The following RABGAP1L variants were observed in gnomAD, a reference collection of about 807,000 sequenced individuals.
RABGAP1L encodes the protein RAB GTPase activating protein 1 like, also known as rab GTPase-activating protein 1-like.
Under a neutral mutation model 137.7 loss-of-function variants are expected in RABGAP1L, and 63 were observed. That is an observed-to-expected ratio of 0.46 (90% CI 0.37 to 0.56). The LOEUF is 0.56. RABGAP1L is among the 20% of genes least tolerant of loss of function. The pLI, the probability that RABGAP1L is intolerant of heterozygous loss-of-function variation, is 0.00. For synonymous variants in RABGAP1L, 431 were observed against 433.7 expected, an observed-to-expected ratio of 0.99 and a Z score of 0.08; for missense variants, 1,095 against 1,244.0, an observed-to-expected ratio of 0.88 and a Z score of 1.80.
chr1:174,819,975 A>T (rs1311574407), intron 19 of RABGAP1L, among the ~76,000 whole-genome samples: 1 of 152,160 alleles, frequency 6.6e-6, no homozygotes, highest in Non-Finnish European at 1.5e-5. Context: ...AGGATATTTC[A>T]TTTGAAGTTT....
At chr1:174,909,133 C>T (rs1016917589) in intron 19 of RABGAP1L, among the ~76,000 whole-genome samples, 25 of 148,674 alleles carry the variant, frequency 1.7e-4, no homozygotes, top group Non-Finnish European at 5.9e-5. Context: ...GAGCCAAGAT[C>T]GCGCCACTCT....
intron 11 of RABGAP1L, among the ~76,000 whole-genome samples, chr1:174,339,029 A>G (rs2148886381): frequency 6.6e-6 from 1 of 152,268 alleles, no homozygotes; most frequent in South Asian, 2.1e-4. Flanking sequence ...TGTGAAATGT[A>G]CTGTATGACT....
intron 13 of RABGAP1L, among the ~76,000 whole-genome samples, chr1:174,526,670 C>G (rs957304759): frequency 3.3e-5 from 5 of 151,964 alleles, no homozygotes; most frequent in Admixed American, 3.3e-4. Flanking sequence ...TTTGTGGTAT[C>G]AATTATAAAG....
chr1:174,456,361 T>A (rs1656039468), intron 13 of RABGAP1L, among the ~76,000 whole-genome samples: 1 of 152,112 alleles, frequency 6.6e-6, no homozygotes, highest in Admixed American at 6.5e-5. Flanking sequence ...ACCTTAATGA[T>A]GAAGACATCA....
At chr1:174,256,737 C>T (rs553781420) in intron 7 of RABGAP1L, among the ~76,000 whole-genome samples, 5 of 152,278 alleles carry the variant, frequency 3.3e-5, no homozygotes, top group Admixed American at 6.5e-5. Context: ...GCCAAGATCA[C>T]GCCATTGCAC....
intron 19 of RABGAP1L, among the ~76,000 whole-genome samples, chr1:174,826,660 A>T (rs1035453658): frequency 1.3e-5 from 2 of 152,210 alleles, no homozygotes; most frequent in African/African-American, 2.4e-5. Flanking sequence ...CTGCGTGTAT[A>T]CCCAGTAATG....
intron 13 of RABGAP1L, among the ~76,000 whole-genome samples, chr1:174,451,750 C>T (rs1655478344): frequency 6.6e-6 from 1 of 151,896 alleles, no homozygotes; most frequent in Non-Finnish European, 1.5e-5. Context: ...CTTTTCTTGT[C>T]TTGTGATATC....
chr1:174,485,212 T>C (rs1659509669), intron 13 of RABGAP1L, among the ~76,000 whole-genome samples: 2 of 152,200 alleles, frequency 1.3e-5, no homozygotes, highest in African/African-American at 4.8e-5. Context: ...CTTTATTGAA[T>C]TTGTTTATCA....
At chr1:174,916,480 C>T (rs1438046384) in intron 19 of RABGAP1L, among the ~76,000 whole-genome samples, 5 of 152,166 alleles carry the variant, frequency 3.3e-5, no homozygotes. Flanking sequence ...AGAAGCATGT[C>T]AACCCAGAGG....
intron 11 of RABGAP1L, among the ~76,000 whole-genome samples, chr1:174,365,734 A>ACTCATGACTGTCT (rs1684559542): frequency 1.3e-5 from 2 of 151,924 alleles, no homozygotes; most frequent in Non-Finnish European, 2.9e-5. Context: ...GGTATCAGCA[A>ACTCATGACTGTCT]CTCATGACTG....
At chr1:174,361,225 G>GC (rs1553281887) in intron 11 of RABGAP1L, among the ~76,000 whole-genome samples, 1 of 133,302 alleles carries the variant, frequency 7.5e-6, no homozygotes, top group African/African-American at 2.7e-5. Flanking sequence ...CTCCAGTTTT[G>GC]TTTTTTTTTT....
chr1:174,217,158 G>A (rs1045463886), intron 1 of RABGAP1L, among the ~76,000 whole-genome samples: 13 of 152,126 alleles, frequency 8.5e-5, no homozygotes, highest in Admixed American at 8.5e-4. Flanking sequence ...CAGGTTTCGT[G>A]TTCAAGTAAC....
intron 7 of RABGAP1L, among the ~76,000 whole-genome samples, chr1:174,264,030 C>T (rs1211062245): frequency 6.6e-6 from 1 of 151,162 alleles, no homozygotes; most frequent in Non-Finnish European, 1.5e-5. Context: ...ATCTTTGGAT[C>T]ATTTGAAGGG....
At chr1:174,885,993 T>A (rs1408924853) in intron 19 of RABGAP1L, among the ~76,000 whole-genome samples, 1 of 148,662 alleles carries the variant, frequency 6.7e-6, no homozygotes, top group Non-Finnish European at 1.5e-5. Context: ...AAACGATGAT[T>A]AAATTATTAG....
intron 13 of RABGAP1L, among the ~76,000 whole-genome samples, chr1:174,492,176 CTTTT>C (rs756360090): frequency 3.1e-4 from 37 of 119,976 alleles, no homozygotes; most frequent in African/African-American, 1.0e-3. Context: ...TGTCGAATTA[CTTTT>C]TTTTTTTTTT....
rs1405931942 is a variant in RABGAP1L, at chr1:174,992,561, C to A, written c.*2560C>A. 1 of 151,662 alleles carries A rather than the reference C, an allele frequency of 6.6e-6. No individual in the cohort carries two copies. Among genetic ancestry groups the A allele is most frequent in the Non-Finnish European group, 1.5e-5 (1 of 67,944 alleles). The allele number at this position is 151,662 out of a possible 1,614,324, so 9.4% of individuals were successfully genotyped here. On this transcript the variant is annotated 3_prime_UTR_variant, in exon 26 of 26. Coordinates refer to ENST00000681986, the MANE Select transcript of RABGAP1L (RefSeq NM_001366446.1). ...TATTTTTTTTTTTTTTATTCTCCAG[C>A]CCCATATCATACTTGGGTATGCCTG... is the stretch of plus-strand genomic sequence containing the variant.
chr1:174,509,604 G>A (rs760188909), intron 13 of RABGAP1L, among the ~76,000 whole-genome samples: 76 of 152,010 alleles, frequency 5.0e-4, no homozygotes, highest in Non-Finnish European at 1.0e-3. Flanking sequence ...CCATGCCTTG[G>A]TAAACCTTTA....
chr1:174,436,825 G>A (rs560476435), intron 13 of RABGAP1L, among the ~76,000 whole-genome samples: 17 of 152,200 alleles, frequency 1.1e-4, no homozygotes, highest in African/African-American at 3.9e-4. Flanking sequence ...CCCCCAGTAG[G>A]GGCAGACTGA....
At chr1:174,337,280 C>A (rs374574313) in intron 11 of RABGAP1L, among the ~76,000 whole-genome samples, 1 of 152,046 alleles carries the variant, frequency 6.6e-6, no homozygotes, top group East Asian at 1.9e-4. Context: ...CATTTCGTTG[C>A]GGCTTTAGAA....
Sources: allele counts gnomAD v4.1 joint callset (sites outside exome capture counted in the v4.1 genomes callset), GRCh38; gene constraint gnomAD v4.1.1; transcripts MANE v1.5; gene names NCBI Gene and HGNC (gene_info 2026-07-23, HGNC 2026-07-21).